TRIM33: variants seen among roughly 807,000 people sequenced by gnomAD.
TRIM33 encodes E3 ubiquitin-protein ligase TRIM33.
In TRIM33, 20 loss-of-function variants were observed where a neutral mutation model predicts 125.4. That is an observed-to-expected ratio of 0.16 (90% CI 0.11 to 0.23). The LOEUF (loss-of-function observed/expected upper bound fraction) is 0.23, where lower values mean the gene tolerates loss of function less well. Among genes scored for constraint, TRIM33 ranks in the 10% least tolerant of loss-of-function variants. The pLI is 1.00. For synonymous variants in TRIM33, 564 were observed against 513.9 expected (o/e 1.10, Z -1.32); for missense variants, 920 against 1,411.4 (o/e 0.65, Z 5.58).
intron 1 of TRIM33, among the ~76,000 whole-genome samples, chr1:114,508,175 T>C (rs1234003595): frequency 6.6e-6 from 1 of 152,152 alleles, no homozygotes; most frequent in Non-Finnish European, 1.5e-5. Flanking sequence ...GTTTTAGATA[T>C]TGGTTAGAGA....
chr1:114,448,831 G>A (rs529229486), intron 4 of TRIM33, among the ~76,000 whole-genome samples: 2 of 152,062 alleles, frequency 1.3e-5, no homozygotes, highest in Non-Finnish European at 2.9e-5. Flanking sequence ...AGAGAGGAAT[G>A]CTTAAAATTG....
intron 18 of TRIM33, among the ~76,000 whole-genome samples, chr1:114,399,250 T>C (rs755145895): frequency 2.8e-4 from 42 of 152,130 alleles, no homozygotes; most frequent in Non-Finnish European, 4.1e-4. Context: ...TTTGATAATA[T>C]TCTTAATTTA....
intron 1 of TRIM33, among the ~76,000 whole-genome samples, chr1:114,504,328 T>C (rs768448544): frequency 6.6e-6 from 1 of 151,942 alleles, no homozygotes; most frequent in Non-Finnish European, 1.5e-5. Context: ...ACCATGCCTA[T>C]TTAATTTTTT....
intron 1 of TRIM33, among the ~76,000 whole-genome samples, chr1:114,464,839 G>A (rs374118208): frequency 1.2e-4 from 19 of 152,150 alleles, no homozygotes; most frequent in African/African-American, 3.9e-4. Context: ...AACAATGGAC[G>A]CAGGGAGTAG....
At chr1:114,485,834 A>T (rs1028907835) in intron 1 of TRIM33, among the ~76,000 whole-genome samples, 1 of 152,204 alleles carries the variant, frequency 6.6e-6, no homozygotes, top group Non-Finnish European at 1.5e-5. Context: ...AAATATTTGC[A>T]ATATACTCAA....
rs1318833171 is a variant in TRIM33, at chr1:114,510,660, C to G, written c.417G>C (p.Glu139Asp). 3 of 1,557,594 alleles carry G rather than the reference C, an allele frequency of 1.9e-6. No homozygotes were observed. In the Admixed American group the frequency reaches 5.6e-5, roughly 29 times the overall value. Residue 139 changes from glutamate (E) to aspartate (D), a missense_variant, in exon 1 of 20, where the codon GAG becomes GAC. Transcript: ENST00000358465. ...AGTGAAGACAGGGCAGCAGCTTGGG[C>G]TCCGCCTCACGCCGGCTCTGCAAGC... ...QQSLQSRREA[E>D]PKLLPCLHSF... is the part of the protein sequence containing the mutation.
chr1:114,414,394 A>G (rs1315851665), intron 11 of TRIM33, among the ~76,000 whole-genome samples: 2 of 151,852 alleles, frequency 1.3e-5, no homozygotes, highest in African/African-American at 4.8e-5. Flanking sequence ...ATTTTCCTCT[A>G]CAGAACTAGG....
At chr1:114,401,727 C>G (rs752832692) in intron 16 of TRIM33, among the ~76,000 whole-genome samples, 1 of 152,156 alleles carries the variant, frequency 6.6e-6, no homozygotes, top group African/African-American at 2.4e-5. Flanking sequence ...AAAGCAACAT[C>G]TAACACTTTG....
At chr1:114,481,545 T>C (rs553274941) in intron 1 of TRIM33, among the ~76,000 whole-genome samples, 1 of 145,150 alleles carries the variant, frequency 6.9e-6, no homozygotes, top group East Asian at 2.2e-4. Context: ...GAGCTGAGAT[T>C]GCGCCACTGC....
At chr1:114,445,442 T>C (rs1648918164) in intron 4 of TRIM33, among the ~76,000 whole-genome samples, 1 of 152,162 alleles carries the variant, frequency 6.6e-6, no homozygotes, top group Admixed American at 6.5e-5. Flanking sequence ...GGTCTTACTA[T>C]GTTGCCCAGG....
rs915971985 is a variant in TRIM33, at chr1:114,510,757, G to T, written c.320C>A (p.Pro107Gln). 3.7e-5 allele frequency: 56 copies of T among 1,523,416 alleles called. No homozygotes were observed. Among genetic ancestry groups the T allele is most frequent in the Non-Finnish European group, 4.6e-5 (53 of 1,140,770 alleles). The allele number at this position is 1,523,416 out of a possible 1,614,324, so 94.4% of individuals were successfully genotyped here. ...AGGAGGCGGCCCTGCCGAGGGACCCGGAGCGGGAGCCGAGGCTGGAGCTGG... is the reference window on the plus strand; with the variant it reads ...AGGAGGCGGCCCTGCCGAGGGACCCTGAGCGGGAGCCGAGGCTGGAGCTGG... ...PAPAPASAPA[P>Q]GPSAGPPPGP... Residue 107 changes from proline to glutamine, a missense_variant, in exon 1 of 20, where the codon CCG (proline) becomes CAG (glutamine). Physicochemically the swap from Pro to Gln is moderately conservative, Grantham distance 76. Coordinates refer to ENST00000358465, the MANE Select transcript of TRIM33 (RefSeq NM_015906.4).
chr1:114,504,858 G>A (rs765914235), intron 1 of TRIM33, among the ~76,000 whole-genome samples: 2 of 152,172 alleles, frequency 1.3e-5, no homozygotes, highest in Non-Finnish European at 2.9e-5. Flanking sequence ...CATGCATGCT[G>A]TACATATCAG....
chr1:114,480,669 A>T (rs1189036755), intron 1 of TRIM33, among the ~76,000 whole-genome samples: 1 of 152,168 alleles, frequency 6.6e-6, no homozygotes, highest in Non-Finnish European at 1.5e-5. Context: ...CACGGAAAAC[A>T]ACTAGCAAAA....
chr1:114,473,462 T>G (rs926719083), intron 1 of TRIM33, among the ~76,000 whole-genome samples: 9 of 152,094 alleles, frequency 5.9e-5, no homozygotes, highest in African/African-American at 2.2e-4. Context: ...CTAATTCCGA[T>G]TGGCTACTTT....
intron 1 of TRIM33, among the ~76,000 whole-genome samples, chr1:114,495,145 C>T (rs866595462): frequency 3.2e-4 from 49 of 152,096 alleles, no homozygotes; most frequent in Non-Finnish European, 8.8e-5. Flanking sequence ...GAACTCCTGA[C>T]CTCAAGTGGT....
At chr1:114,500,186 A>G (rs1652627074) in intron 1 of TRIM33, among the ~76,000 whole-genome samples, 1 of 152,184 alleles carries the variant, frequency 6.6e-6, no homozygotes, top group Non-Finnish European at 1.5e-5. Context: ...ACTCAAAAAC[A>G]TTTTTGGACT....
rs1651414968 is a variant in TRIM33, at chr1:114,394,035, C to G, written c.*3613G>C. The G allele has an allele frequency of 8.8e-6, 2 of 226,490 alleles. No homozygotes were observed. Among genetic ancestry groups the G allele is most frequent in the Admixed American group, 1.1e-4 (2 of 17,550 alleles). 14.0% of individuals were successfully genotyped at this position (226,490 alleles called of 1,614,324 possible). ...AAAAATTAAATATCCAGGTCCGGTA[C>G]ATGATCAAACTGTATTACACCTTGA... is the stretch of plus-strand genomic sequence containing the variant. On this transcript the variant is annotated 3_prime_UTR_variant, in exon 20 of 20. Transcript: ENST00000358465.
At chr1:114,506,721 A>C (rs71664853) in intron 1 of TRIM33, among the ~76,000 whole-genome samples, 1 of 151,394 alleles carries the variant, frequency 6.6e-6, no homozygotes, top group African/African-American at 2.5e-5. Context: ...AGCACCCCCC[A>C]AAAAATCACA....
At chr1:114,499,614 G>A (rs1242761738) in intron 1 of TRIM33, among the ~76,000 whole-genome samples, 7 of 152,094 alleles carry the variant, frequency 4.6e-5, no homozygotes, top group Non-Finnish European at 4.4e-5. Context: ...CTAAAAGTCT[G>A]CTTCAGTAAT....
Sources: gnomAD v4.1 joint callset for allele counts (sites outside exome capture counted in the v4.1 genomes callset) on GRCh38, gnomAD v4.1.1 for gene constraint, MANE v1.5 for transcripts, NCBI Gene and HGNC (gene_info 2026-07-23, HGNC 2026-07-21) for gene names.